Variants in PYCR1 observed in about 807,000 individuals in gnomAD.
PYCR1 encodes pyrroline-5-carboxylate reductase 1.
A neutral mutation model predicts 22.9 loss-of-function variants in PYCR1; 19 were observed. The ratio of observed to expected loss-of-function variants is 0.83; its 90% CI spans 0.58 to 1.22. The LOEUF (loss-of-function observed/expected upper bound fraction) is 1.22. Among genes scored for constraint, PYCR1 ranks in the 50% most tolerant of loss-of-function variants. The pLI, the probability that PYCR1 is intolerant of heterozygous loss-of-function variation, is 0.00. For synonymous variants in PYCR1, 175 were observed against 180.5 expected, an observed-to-expected ratio of 0.97 and a Z score of 0.24; for missense variants, 429 against 431.3, an observed-to-expected ratio of 0.99 and a Z score of 0.05.
At chr17:81,933,622 C>T (rs2041059165) in intron 6 of PYCR1, among the ~76,000 whole-genome samples, 2 of 152,236 alleles carry the variant, frequency 1.3e-5, no homozygotes, top group Non-Finnish European at 2.9e-5. Flanking sequence ...CTCGTGGCCC[C>T]ACCACGGGAT....
At position 81,936,857 on chromosome 17, in the gene PYCR1, C is replaced by A; in HGVS notation, c.-43G>T. ...GGCCCAAAGCCCCCACAGATGGCAC[C>A]GGCTCTGCGGGACGAGACCGGCAGG... is the stretch of plus-strand genomic sequence containing the variant. On this transcript the variant is annotated 5_prime_UTR_variant, in exon 1 of 7. Coordinates refer to ENST00000329875, the MANE Select transcript of PYCR1 (RefSeq NM_006907.4). The A allele has an allele frequency of 6.3e-7, 1 of 1,585,374 alleles. No homozygotes were observed. Among genetic ancestry groups the A allele is most frequent in the Non-Finnish European group, 8.6e-7 (1 of 1,167,354 alleles).
chr17:81,932,671 C>T lies in PYCR1; in HGVS notation c.*543G>A. The T allele has an allele frequency of 1.4e-6, 1 of 714,558 alleles. No individual in the cohort carries two copies. Among genetic ancestry groups the T allele is most frequent in the Non-Finnish European group, 2.3e-6 (1 of 438,720 alleles). The allele number at this position is 714,558 out of a possible 1,614,324, so 44.3% of individuals were successfully genotyped here. A position where few individuals can be genotyped will look rare whatever the true frequency, so the allele number is the denominator to read the frequency against. On this transcript the variant is annotated 3_prime_UTR_variant, in exon 7 of 7. Coordinates refer to ENST00000329875, the MANE Select transcript of PYCR1 (RefSeq NM_006907.4). ...AAGTTCACCAGCAGCCCAAGGAGCC[C>T]TTTCCCCAAATGTCCATGGGATCTG... is the stretch of plus-strand genomic sequence containing the variant.
chr17:81,934,890 G>C, intron 4 of PYCR1, 36 bp downstream of exon 4: 1 of 1,605,388 alleles, frequency 6.2e-7, no homozygotes, highest in Non-Finnish European at 8.5e-7. Flanking sequence ...GTCCCGGGAA[G>C]TGCCCGCCGC....
In PYCR1 at chr17:81,934,939, C is replaced by T. The variant is rs577918150; in HGVS notation, c.527G>A (p.Ser176Asn). 1 of 1,609,442 alleles carries T rather than the reference C, an allele frequency of 6.2e-7. No homozygotes were observed. The highest frequency in any genetic ancestry group is 1.7e-5 in the Admixed American group (1 of 60,020). ...LIDAVTGLSG[S>N]GPAYAFTALD... The stretch of plus-strand genomic sequence containing the variant: ...CGCAGTCCTTACGTAGGCGGGGCCG[C>T]TGCCACTGAGCCCCGTGACGGCATC... The change falls in exon 4 of 7, where the codon AGC becomes AAC. Residue 176 changes from serine (S) to asparagine (N), a missense_variant. Coordinates refer to ENST00000329875, the MANE Select transcript of PYCR1 (RefSeq NM_006907.4).
At chr17:81,936,037 G>C (rs1567926805) in intron 2 of PYCR1, 86 bp downstream of exon 2, 1 of 1,452,062 alleles carries the variant, frequency 6.9e-7, no homozygotes, top group Non-Finnish European at 9.6e-7. Flanking sequence ...GCCCTCACTG[G>C]GGTGGGGGCT....
chr17:81,933,795 G>A (rs977494986), intron 6 of PYCR1, among the ~76,000 whole-genome samples: 1 of 152,238 alleles, frequency 6.6e-6, no homozygotes, highest in African/African-American at 2.4e-5. Context: ...GACCTGAACT[G>A]GGGACAGCGG....
chr17:81,933,486 C>T, intron 6 of PYCR1, 110 bp from the exon 7 acceptor site: 1 of 1,292,050 alleles, frequency 7.7e-7, no homozygotes, highest in Non-Finnish European at 1.1e-6. Flanking sequence ...CTGTCACCCT[C>T]ACCTCAGCAC....
At position 81,933,344 on chromosome 17, in the gene PYCR1, A is replaced by G. The variant is rs2041044702; in HGVS notation, c.830T>C (p.Val277Ala). 1 of 1,613,628 alleles carries G rather than the reference A, an allele frequency of 6.2e-7. No individual in the cohort carries two copies. Among genetic ancestry groups the G allele is most frequent in the Non-Finnish European group, 8.5e-7 (1 of 1,179,952 alleles). Residue 277 changes from valine (V) to alanine (A), a missense_variant, in exon 7 of 7, where the codon GTG becomes GCG. Transcript: ENST00000329875. The stretch of plus-strand genomic sequence containing the variant: ...GGTCTTCTTGATGGCGGCTGGTGAC[A>G]CCTGCTCCTGGTCAGCCATGGACTG... Reference protein sequence around the residue: ...ELQSMADQEQVSPAAIKKTIL... With the variant: ...ELQSMADQEQASPAAIKKTIL...
intron 2 of PYCR1, 116 bp from the exon 3 acceptor site, chr17:81,935,632 C>T: frequency 1.3e-5 from 6 of 474,220 alleles, no homozygotes; most frequent in East Asian, 6.0e-5. Context: ...GTGGGCAGGG[C>T]TGGGGGCTCA....
At chr17:81,935,613 GAGTT>G in intron 2 of PYCR1, 97 bp from the exon 3 acceptor site, 2 of 656,906 alleles carry the variant, frequency 3.0e-6, no homozygotes, top group Admixed American at 2.3e-5. Context: ...GAGAATGCTG[GAGTT>G]GGGGGTGGGC....
intron 3 of PYCR1, 87 bp from the exon 4 acceptor site, chr17:81,935,234 G>A: frequency 1.3e-6 from 2 of 1,570,972 alleles, no homozygotes; most frequent in Non-Finnish European, 1.7e-6. Flanking sequence ...AGCTCTCCCA[G>A]TGGGCCGGGA....
chr17:81,935,624 G>A, intron 2 of PYCR1, 108 bp from the exon 3 acceptor site: 1 of 885,690 alleles, frequency 1.1e-6, no homozygotes, highest in South Asian at 1.4e-5. Context: ...AGTTGGGGGT[G>A]GGCAGGGCTG....
At chr17:81,936,013 A>AGCCCAGGGCCCCT in intron 2 of PYCR1, 110 bp downstream of exon 2, 1 of 1,282,794 alleles carries the variant, frequency 7.8e-7, no homozygotes, top group South Asian at 1.2e-5. Context: ...ATGAGACCCC[A>AGCCCAGGGCCCCT]GCCCAGGGCC....
At chr17:81,934,796 C>G (rs1252718742) in intron 4 of PYCR1, 51 bp from the exon 5 acceptor site, 8 of 1,538,282 alleles carry the variant, frequency 5.2e-6, no homozygotes, top group Non-Finnish European at 6.2e-6. Flanking sequence ...TCCTCCTTCC[C>G]TTCTGGGCAA....
Position 81,933,071 on chromosome 17 carries a change from A to T in PYCR1, c.*143T>A. Reference sequence around the variant, plus strand: ...CCACAGAGATTTCCAGTGGGAAGTGATGTGGCCCCTCCCTGGCTATGTCCC... The same window carrying T: ...CCACAGAGATTTCCAGTGGGAAGTGTTGTGGCCCCTCCCTGGCTATGTCCC... On this transcript the variant is annotated 3_prime_UTR_variant, in exon 7 of 7. Coordinates refer to ENST00000329875, the MANE Select transcript of PYCR1 (RefSeq NM_006907.4). The T allele has an allele frequency of 6.3e-7, 1 of 1,582,940 alleles. No individual in the cohort carries two copies. Among genetic ancestry groups the T allele is most frequent in the Non-Finnish European group, 8.5e-7 (1 of 1,170,272 alleles).
Position 81,933,010 on chromosome 17 carries a change from A to G in PYCR1, c.*204T>C, listed in dbSNP as rs775626790. On this transcript the variant is annotated 3_prime_UTR_variant, in exon 7 of 7. Coordinates refer to ENST00000329875, the MANE Select transcript of PYCR1 (RefSeq NM_006907.4). Reference sequence around the variant, plus strand: ...GAAGAAAGGAGGTTGAGGTTGGGGAATCCACCCCTGTTCTGGGCTGGGAAG... The same window carrying G: ...GAAGAAAGGAGGTTGAGGTTGGGGAGTCCACCCCTGTTCTGGGCTGGGAAG... The G allele has an allele frequency of 1.3e-6, 2 of 1,591,640 alleles. No homozygotes were observed. The highest frequency in any genetic ancestry group is 1.1e-5 in the South Asian group (1 of 88,672).
At chr17:81,934,162 G>A (rs2041081525) in intron 6 of PYCR1, 164 bp downstream of exon 6, 2 of 1,008,040 alleles carry the variant, frequency 2.0e-6, no homozygotes, top group African/African-American at 3.2e-5. Context: ...GAGGGGCACT[G>A]CCCACAGTAA....
chr17:81,934,793 T>C (rs1374181499), intron 4 of PYCR1, 48 bp from the exon 5 acceptor site: 1 of 1,537,786 alleles, frequency 6.5e-7, no homozygotes, highest in African/African-American at 1.4e-5. Context: ...TTCTCCTCCT[T>C]CCCTTCTGGG....
Position 81,936,818 on chromosome 17 carries a change from G to C in PYCR1, c.-4C>G, listed in dbSNP as rs746066425. 4 of 1,607,434 alleles carry C rather than the reference G, an allele frequency of 2.5e-6. No individual in the cohort carries two copies. The African/African-American group carries it at 4.0e-5, about 16-fold the overall frequency. On this transcript the variant is annotated 5_prime_UTR_variant, in exon 1 of 7. Transcript: ENST00000329875. ...CGCCGATGAAGCCCACGCTCATGCT[G>C]TCCGGAGACCCCTGGCCCAAAGCCC...
Sources: gnomAD v4.1 joint callset for allele counts (sites outside exome capture counted in the v4.1 genomes callset) on GRCh38, gnomAD v4.1.1 for gene constraint, MANE v1.5 for transcripts, NCBI Gene and HGNC (gene_info 2026-07-23, HGNC 2026-07-21) for gene names.